The following GTF3C1 variants were observed in gnomAD, a reference collection of about 807,000 sequenced individuals.
GTF3C1 encodes general transcription factor IIIC subunit 1, also known as general transcription factor 3C polypeptide 1.
A neutral mutation model predicts 226.7 loss-of-function variants in GTF3C1; 57 were observed. That is an observed-to-expected ratio of 0.25 (90% CI 0.20 to 0.31). GTF3C1 has a LOEUF of 0.31. GTF3C1 is among the 10% of genes least tolerant of loss of function. GTF3C1 has a pLI of 1.00. For missense variants in GTF3C1, 2,217 were observed against 2,776.1 expected (o/e 0.80, Z 4.53); for synonymous variants, 1,090 against 1,084.8 (o/e 1.00, Z -0.09).
intron 2 of GTF3C1, among the ~76,000 whole-genome samples, chr16:27,541,813 T>A (rs571334694): frequency 4.6e-4 from 70 of 152,190 alleles, no homozygotes; most frequent in African/African-American, 1.6e-3. Flanking sequence ...ACATATAGCC[T>A]GCCGGGACCC....
At chr16:27,473,397 C>G (rs2087904893) in intron 29 of GTF3C1, among the ~76,000 whole-genome samples, 1 of 152,240 alleles carries the variant, frequency 6.6e-6, no homozygotes, top group South Asian at 2.1e-4. Flanking sequence ...GGCAAGCAAC[C>G]AGCAGTTCCT....
chr16:27,481,234 TA>T (rs1364810967), intron 26 of GTF3C1, 43 bp from the exon 27 acceptor site: 1 of 1,550,804 alleles, frequency 6.4e-7, no homozygotes, highest in Admixed American at 1.7e-5. Flanking sequence ...TTACTCTTCC[TA>T]AAGGGAGGTT....
chr16:27,481,002 G>A (rs2088036214), intron 27 of GTF3C1, 77 bp downstream of exon 27: 2 of 1,215,946 alleles, frequency 1.6e-6, no homozygotes, highest in African/African-American at 1.5e-5. Context: ...TCCCGGACCT[G>A]CTGATAAGGG....
chr16:27,465,538 C>A lies in GTF3C1; in HGVS notation c.5077G>T (p.Ala1693Ser). The change falls in exon 33 of 37, where the codon GCT (alanine) becomes TCT (serine). Residue 1693 changes from alanine (A) to serine (S), a missense_variant and splice_region_variant. Physicochemically the swap from Ala to Ser is moderately conservative, Grantham distance 99. This residue lies in a region of GTF3C1 where 455 missense variants were observed against 441.9 expected (regional missense o/e 1.03). Transcript: ENST00000356183. ...PVPARLRPAA[A>S]PLEELTMGTS... ...CCCATTGTTAGCTCTTCCAGAGGAG[C>A]GGCTGTGGGGACACAGAGGAAGATC... The A allele has an allele frequency of 6.3e-7, 1 of 1,595,874 alleles. No individual in the cohort carries two copies. The highest frequency in any genetic ancestry group is 1.1e-5 in the South Asian group (1 of 90,720).
chr16:27,476,775 T>C (rs542826418), intron 28 of GTF3C1, among the ~76,000 whole-genome samples: 1 of 152,390 alleles, frequency 6.6e-6, no homozygotes, highest in African/African-American at 2.4e-5. Flanking sequence ...GGAACGGGTT[T>C]ACATGACCAC....
intron 27 of GTF3C1, among the ~76,000 whole-genome samples, chr16:27,479,921 C>A (rs1265325835): frequency 1.3e-5 from 2 of 152,114 alleles, no homozygotes; most frequent in Non-Finnish European, 2.9e-5. Context: ...AAAATTGTGG[C>A]CGGGTGCGGT....
In GTF3C1 at chr16:27,462,698, T is replaced by C. The variant is rs115313626; in HGVS notation, c.5925-212A>G. 1,397 of 560,768 alleles carry C rather than the reference T, an allele frequency of 2.5e-3. 17 individuals are homozygous for C. Among genetic ancestry groups the C allele is most frequent in the African/African-American group, 0.023 (1,254 of 53,430 alleles). The allele number at this position is 560,768 out of a possible 1,614,324, so 34.7% of individuals were successfully genotyped here. On this transcript the variant is annotated intron_variant, in intron 35 of 36. Coordinates refer to ENST00000356183, the MANE Select transcript of GTF3C1 (RefSeq NM_001520.4). The surrounding 1 kb of genome is among the most constrained non-coding windows in gnomAD (Gnocchi z 4.5). ...CCAGCTGGGTGGAACCAGGACGTGGTGTCCGCTCTGATGTAGCTGTAACTG... is the reference window on the plus strand; with the variant it reads ...CCAGCTGGGTGGAACCAGGACGTGGCGTCCGCTCTGATGTAGCTGTAACTG...
intron 7 of GTF3C1, among the ~76,000 whole-genome samples, chr16:27,510,365 G>A (rs979102570): frequency 2.6e-5 from 4 of 151,418 alleles, no homozygotes; most frequent in African/African-American, 7.3e-5. Context: ...GAGCATGGGC[G>A]ACACAGCGAG....
chr16:27,472,420 T>C (rs991123136), intron 29 of GTF3C1, among the ~76,000 whole-genome samples: 2 of 152,128 alleles, frequency 1.3e-5, no homozygotes, highest in Non-Finnish European at 2.9e-5. Context: ...CTTCCCCATG[T>C]CACTTTCCCC....
chr16:27,526,742 G>C (rs2088839438), intron 6 of GTF3C1, among the ~76,000 whole-genome samples: 1 of 152,218 alleles, frequency 6.6e-6, no homozygotes, highest in Non-Finnish European at 1.5e-5. Flanking sequence ...CTTTGTAGTT[G>C]AGGGTTTACT....
intron 5 of GTF3C1, among the ~76,000 whole-genome samples, chr16:27,532,380 T>A (rs1319595215): frequency 6.6e-6 from 1 of 152,156 alleles, no homozygotes; most frequent in South Asian, 2.1e-4. Flanking sequence ...AGACCACTCA[T>A]TAGGGGACTA....
chr16:27,547,707 A>AG (rs771721271), intron 1 of GTF3C1, among the ~76,000 whole-genome samples: 2 of 152,102 alleles, frequency 1.3e-5, no homozygotes, highest in Non-Finnish European at 2.9e-5. Flanking sequence ...TCTGTCACCC[A>AG]GGCTGGAGTG....
rs756903670 is a variant in GTF3C1, at chr16:27,461,392, C to A, written c.6288G>T (p.Val2096=). The change falls in exon 37 of 37, where the codon GTG becomes GTT. Residue 2096 remains valine (V), a synonymous_variant. Transcript: ENST00000356183. This position sits in a 1 kb window ranked among gnomAD's most constrained non-coding sequence, Gnocchi z 5.3. ...TGTTCCAGTTGACCTCGTGGGGGAA[C>A]ACACGGCCCAGCCGGAGGGTACAGT... ...TLDCTLRLGR[V]FPHEVNWNKW... 2.7e-5 allele frequency: 44 copies of A among 1,613,704 alleles called. No homozygotes were observed. The African/African-American group carries it at 5.3e-4, about 20-fold the overall frequency.
At chr16:27,541,670 G>A (rs993232999) in intron 2 of GTF3C1, among the ~76,000 whole-genome samples, 1 of 152,196 alleles carries the variant, frequency 6.6e-6, no homozygotes, top group African/African-American at 2.4e-5. Context: ...AAGATTTGTG[G>A]ACAGAATATT....
Position 27,470,081 on chromosome 16 carries a change from C to A in GTF3C1, c.4814+27G>T. On this transcript the variant is annotated intron_variant, in intron 31 of 36. Coordinates refer to ENST00000356183, the MANE Select transcript of GTF3C1 (RefSeq NM_001520.4). This position sits in a 1 kb window ranked among gnomAD's most constrained non-coding sequence, Gnocchi z 4.9. ...GCCAATGCCTAGCACGTGGCCAGAC[C>A]TGATGCTGCGGATGCCGGACTCTTA... 6.3e-7 allele frequency: 1 copy of A among 1,598,846 alleles called. No homozygotes were observed.
At chr16:27,508,486 C>G (rs1021871328) in intron 8 of GTF3C1, 54 bp downstream of exon 8, 1 of 1,319,840 alleles carries the variant, frequency 7.6e-7, no homozygotes, top group Non-Finnish European at 1.1e-6. Flanking sequence ...TTCTCAAATA[C>G]ACTGCAAGCA....
At chr16:27,506,151 G>C in intron 9 of GTF3C1, 35 bp from the exon 10 acceptor site, 1 of 1,270,678 alleles carries the variant, frequency 7.9e-7, no homozygotes, top group Non-Finnish European at 1.1e-6. Context: ...CAAATCAAGG[G>C]GGAGGCCAGG....
Position 27,495,238 on chromosome 16 carries a change from C to T in GTF3C1, c.2605G>A (p.Ala869Thr), listed in dbSNP as rs1191131187. The change falls in exon 15 of 37, where the codon GCT (alanine) becomes ACT (threonine). Residue 869 changes from alanine to threonine, a missense_variant. Coordinates refer to ENST00000356183, the MANE Select transcript of GTF3C1 (RefSeq NM_001520.4). ...KGSQDGVTWE[A>T]EVELATETVY... Reference sequence around the variant, plus strand: ...GTCTCCGTGGCAAGCTCCACTTCAGCCTCCCAGGTGACACCATCTTGGCTG... The same window carrying T: ...GTCTCCGTGGCAAGCTCCACTTCAGTCTCCCAGGTGACACCATCTTGGCTG... 2 of 1,612,450 alleles carry T rather than the reference C, an allele frequency of 1.2e-6. No individual in the cohort carries two copies. The highest frequency in any genetic ancestry group is 1.7e-5 in the Admixed American group (1 of 60,014).
intron 2 of GTF3C1, among the ~76,000 whole-genome samples, chr16:27,544,368 G>C (rs1415031643): frequency 6.6e-6 from 1 of 151,858 alleles, no homozygotes; most frequent in Non-Finnish European, 1.5e-5. Flanking sequence ...CTGGGCAACA[G>C]AGTGAGACTC....
Sources: gnomAD v4.1 joint callset for allele counts (sites outside exome capture counted in the v4.1 genomes callset) on GRCh38, gnomAD v4.1.1 for gene constraint, gnomAD v4.1.1 regional missense constraint, Gnocchi (gnomAD v3.1) non-coding constraint, MANE v1.5 for transcripts, NCBI Gene and HGNC (gene_info 2026-07-23, HGNC 2026-07-21) for gene names.